LRP1B: variants seen among roughly 807,000 people sequenced by gnomAD.
LRP1B encodes LDL receptor related protein 1B.
Under a neutral mutation model 556.6 loss-of-function variants are expected in LRP1B, and 217 were observed. The ratio of observed to expected loss-of-function variants is 0.39; its 90% CI spans 0.35 to 0.44. The LOEUF (loss-of-function observed/expected upper bound fraction) is 0.44. LRP1B is among the 20% of genes least tolerant of loss of function. LRP1B has a pLI of 1.00. For synonymous variants in LRP1B, 2,047 were observed against 1,865.8 expected, an observed-to-expected ratio of 1.10 and a Z score of -2.50; for missense variants, 5,053 against 5,620.8, an observed-to-expected ratio of 0.90 and a Z score of 3.23.
At chr2:141,139,288 A>G (rs56396813) in intron 7 of LRP1B, among the ~76,000 whole-genome samples, 289 of 152,094 alleles carry the variant, frequency 1.9e-3, no homozygotes, top group Non-Finnish European at 3.1e-3. Flanking sequence ...CAAAATCTTT[A>G]TAACATTTGG....
intron 79 of LRP1B, among the ~76,000 whole-genome samples, chr2:140,330,194 T>C (rs930072897): frequency 1.5e-4 from 15 of 103,200 alleles, no homozygotes; most frequent in African/African-American, 5.0e-4. Flanking sequence ...AGCAAGACTC[T>C]GTCTCAATAA....
intron 18 of LRP1B, among the ~76,000 whole-genome samples, chr2:140,958,355 T>C (rs1195066255): frequency 2.6e-5 from 4 of 151,402 alleles, no homozygotes; most frequent in African/African-American, 7.3e-5. Context: ...ACAGATAAAA[T>C]AGGCAGATTT....
chr2:141,639,298 A>ATGTGTG (rs199723979), intron 2 of LRP1B, among the ~76,000 whole-genome samples: 2 of 34,530 alleles, frequency 5.8e-5, no homozygotes, highest in African/African-American at 2.0e-4. Context: ...AGTACGCATC[A>ATGTGTG]TGTGTGTATA....
chr2:141,876,345 G>T (rs1313661552), intron 1 of LRP1B, among the ~76,000 whole-genome samples: 4 of 151,886 alleles, frequency 2.6e-5, no homozygotes, highest in African/African-American at 9.7e-5. Flanking sequence ...TAGAGGCAGT[G>T]GTAGTGGAAA....
At chr2:141,285,498 C>A (rs113936885) in intron 3 of LRP1B, among the ~76,000 whole-genome samples, 3 of 137,692 alleles carry the variant, frequency 2.2e-5, no homozygotes, top group Admixed American at 2.2e-4. Context: ...TTCTGTCGCC[C>A]AGGGTGGAGT....
At chr2:141,236,162 G>A (rs1038497105) in intron 5 of LRP1B, among the ~76,000 whole-genome samples, 1 of 151,986 alleles carries the variant, frequency 6.6e-6, no homozygotes, top group African/African-American at 2.4e-5. Context: ...TATTTGGGGG[G>A]ATTATTTATT....
At position 141,586,784 on chromosome 2, in the gene LRP1B, C is replaced by T. The variant is rs953606818; in HGVS notation, c.206-106251G>A. Reference sequence around the variant, plus strand: ...GGTGAAACCCCGTCTCTACTAAAAACACAAAAAATTAGCCGGGCATGGTGG... The same window carrying T: ...GGTGAAACCCCGTCTCTACTAAAAATACAAAAAATTAGCCGGGCATGGTGG... On this transcript the variant is annotated intron_variant, in intron 2 of 90. Coordinates refer to ENST00000389484, the MANE Select transcript of LRP1B (RefSeq NM_018557.3). Among the ~76,000 whole-genome samples, 63 of 151,682 alleles carry T rather than the reference C, an allele frequency of 4.2e-4. 1 individual carries two copies. Among genetic ancestry groups the T allele is most frequent in the African/African-American group, 1.5e-3 (62 of 41,362 alleles).
At chr2:141,511,392 G>A (rs1234959843) in intron 2 of LRP1B, among the ~76,000 whole-genome samples, 1 of 152,060 alleles carries the variant, frequency 6.6e-6, no homozygotes, top group Admixed American at 6.6e-5. Flanking sequence ...TAATCACAAT[G>A]CAAGGTATAT....
chr2:140,579,115 T>A (rs1681656538), intron 43 of LRP1B, among the ~76,000 whole-genome samples: 1 of 152,196 alleles, frequency 6.6e-6, no homozygotes, highest in Middle Eastern at 3.4e-3. Context: ...TTAAACTCCT[T>A]GAACTAAGTA....
At chr2:141,360,558 A>T (rs996024736) in intron 3 of LRP1B, among the ~76,000 whole-genome samples, 8 of 152,198 alleles carry the variant, frequency 5.3e-5, no homozygotes, top group Admixed American at 3.3e-4. Context: ...ACCCCAAGTC[A>T]AAAAGAAAGA....
At chr2:140,582,085 A>G (rs1203033477) in intron 43 of LRP1B, among the ~76,000 whole-genome samples, 4 of 152,296 alleles carry the variant, frequency 2.6e-5, no homozygotes, top group South Asian at 4.1e-4. Flanking sequence ...CGTGACACAC[A>G]TATATCTATA....
intron 45 of LRP1B, among the ~76,000 whole-genome samples, chr2:140,539,263 A>G (rs1343648046): frequency 6.6e-6 from 1 of 152,066 alleles, no homozygotes; most frequent in Non-Finnish European, 1.5e-5. Context: ...TCTGGGTAAA[A>G]TCACTTAGAT....
At chr2:141,823,098 G>A (rs983497276) in intron 1 of LRP1B, among the ~76,000 whole-genome samples, 2 of 152,140 alleles carry the variant, frequency 1.3e-5, no homozygotes, top group African/African-American at 4.8e-5. Context: ...CTGTATGCTT[G>A]CTTTCCCCAT....
rs546584903 is a variant in LRP1B, at chr2:140,674,930, G to A, written c.6799+25320C>T. Among the ~76,000 whole-genome samples, 6 of 152,288 alleles carry A rather than the reference G, an allele frequency of 3.9e-5. No homozygotes were observed. The South Asian group carries it at 1.0e-3, about 26-fold the overall frequency. ...CACAAATCATCTCACAGTTCAAGAGGTTCAGTCTTACAATCAAGATGTCAG... is the reference window on the plus strand; with the variant it reads ...CACAAATCATCTCACAGTTCAAGAGATTCAGTCTTACAATCAAGATGTCAG... On this transcript the variant is annotated intron_variant, in intron 41 of 90. Coordinates refer to ENST00000389484, the MANE Select transcript of LRP1B (RefSeq NM_018557.3).
At chr2:140,767,114 G>A (rs1310445114) in intron 35 of LRP1B, among the ~76,000 whole-genome samples, 1 of 151,556 alleles carries the variant, frequency 6.6e-6, no homozygotes, top group Admixed American at 6.6e-5. Context: ...CTAAACTCTG[G>A]TTTCTTCCAA....
intron 7 of LRP1B, among the ~76,000 whole-genome samples, chr2:141,114,290 C>T (rs920431563): frequency 2.0e-5 from 3 of 152,142 alleles, no homozygotes; most frequent in South Asian, 2.1e-4. Flanking sequence ...ATCAGCTTAG[C>T]GAAAAGTCAG....
At chr2:141,521,592 GAT>G (rs369660407) in intron 2 of LRP1B, among the ~76,000 whole-genome samples, 7 of 150,884 alleles carry the variant, frequency 4.6e-5, no homozygotes, top group African/African-American at 1.7e-4. Context: ...TTCAGATTGA[GAT>G]ATATATATAT....
At chr2:140,959,057 A>AT (rs35278200) in intron 18 of LRP1B, among the ~76,000 whole-genome samples, 43,599 of 143,286 alleles carry the variant, frequency 0.3, 6,678 homozygotes, top group East Asian at 0.46. Flanking sequence ...TGCTGCTCAG[A>AT]TTTTTTTTTT....
At chr2:141,276,278 G>A (rs1295391305) in intron 3 of LRP1B, among the ~76,000 whole-genome samples, 1 of 149,842 alleles carries the variant, frequency 6.7e-6, no homozygotes, top group Admixed American at 6.7e-5. Context: ...ATTATTCTTT[G>A]GCTTGATAAT....
Sources: allele counts gnomAD v4.1 joint callset (sites outside exome capture counted in the v4.1 genomes callset), GRCh38; gene constraint gnomAD v4.1.1; transcripts MANE v1.5; gene names NCBI Gene and HGNC (gene_info 2026-07-23, HGNC 2026-07-21).